The following MYO9A variants were observed in gnomAD, a reference collection of about 807,000 sequenced individuals.
MYO9A encodes the protein myosin IXA.
Under a neutral mutation model 293.3 loss-of-function variants are expected in MYO9A, and 103 were observed. The observed-to-expected ratio is 0.35, with a 90% CI of 0.30 to 0.41. The LOEUF (loss-of-function observed/expected upper bound fraction) is 0.41, where lower values mean the gene tolerates loss of function less well. MYO9A is among the 10% of genes least tolerant of loss of function. The pLI is 1.00. For synonymous variants in MYO9A, 1,001 were observed against 1,035.7 expected, an observed-to-expected ratio of 0.97 and a Z score of 0.64; for missense variants, 2,685 against 3,033.0, an observed-to-expected ratio of 0.89 and a Z score of 2.69.
chr15:71,945,669 C>A lies in MYO9A; in HGVS notation c.2302+6108G>T, dbSNP rs569516166. On this transcript the variant is annotated intron_variant, in intron 15 of 41. Transcript: ENST00000356056. The stretch of plus-strand genomic sequence containing the variant: ...CCTTAAATAGGAAGTGTGATTCCTT[C>A]ACACTTCCTATATTAATGAATTTGT... Among the ~76,000 whole-genome samples the A allele has an allele frequency of 4.6e-5, 7 of 152,124 alleles. No homozygotes were observed. In the South Asian group the frequency reaches 1.5e-3, roughly 32 times the overall value.
chr15:71,974,563 C>G (rs2076090619), intron 12 of MYO9A, among the ~76,000 whole-genome samples: 1 of 152,144 alleles, frequency 6.6e-6, no homozygotes. Flanking sequence ...ATGCAGTGGT[C>G]CTAGGACAAG....
intron 21 of MYO9A, 62 bp downstream of exon 21, chr15:71,903,867 G>A (rs1030233530): frequency 7.4e-7 from 1 of 1,357,874 alleles, no homozygotes; most frequent in African/African-American, 1.4e-5. Flanking sequence ...TAATAAGCAA[G>A]ATATGTGGGA....
chr15:72,055,200 T>C (rs1472700837), intron 1 of MYO9A, among the ~76,000 whole-genome samples: 1 of 152,192 alleles, frequency 6.6e-6, no homozygotes, highest in East Asian at 1.9e-4. Flanking sequence ...GTGGGAGGAC[T>C]GCTTGAGCAC....
chr15:72,069,880 G>A (rs1432596282), intron 1 of MYO9A, among the ~76,000 whole-genome samples: 2 of 151,998 alleles, frequency 1.3e-5, no homozygotes, highest in Non-Finnish European at 2.9e-5. Context: ...CACTTTGGGA[G>A]GCTGAGGTGG....
intron 39 of MYO9A, among the ~76,000 whole-genome samples, 197 bp downstream of exon 39, chr15:71,848,648 C>G (rs1419204383): frequency 6.6e-6 from 1 of 152,192 alleles, no homozygotes; most frequent in Non-Finnish European, 1.5e-5. Flanking sequence ...CACACTTAAT[C>G]ACATAGATTC....
intron 1 of MYO9A, among the ~76,000 whole-genome samples, chr15:72,080,656 T>TATAAAGGTTAACTCACATCACAGGG (rs1327289804): frequency 6.6e-6 from 1 of 152,116 alleles, no homozygotes; most frequent in East Asian, 1.9e-4. Context: ...GCAGGTTTCT[T>TATAAAGGTTAACTCACATCACAGGG]ATAAAGGTTA....
At chr15:71,922,666 C>T (rs1022002751) in intron 18 of MYO9A, among the ~76,000 whole-genome samples, 3 of 152,004 alleles carry the variant, frequency 2.0e-5, no homozygotes, top group Non-Finnish European at 4.4e-5. Context: ...ATGAGTTTGG[C>T]TTTTTGTTGT....
At chr15:71,904,878 G>C in intron 20 of MYO9A, 48 bp downstream of exon 20, 1 of 1,402,138 alleles carries the variant, frequency 7.1e-7, no homozygotes, top group Non-Finnish European at 9.9e-7. Flanking sequence ...TTAAAGCTCA[G>C]TTTGAAGTAA....
At chr15:72,008,467 G>C (rs1378612536) in intron 7 of MYO9A, among the ~76,000 whole-genome samples, 1 of 150,234 alleles carries the variant, frequency 6.7e-6, no homozygotes, top group East Asian at 2.0e-4. Context: ...GTGTGTGTGT[G>C]TGTGTGTGAA....
chr15:72,010,262 C>A, intron 7 of MYO9A, 88 bp downstream of exon 7: 1 of 1,046,894 alleles, frequency 9.6e-7, no homozygotes, highest in South Asian at 1.6e-5. Flanking sequence ...ACTTAGAAAA[C>A]TATTTAAAAA....
At chr15:72,068,349 ATATG>A (rs2079082326) in intron 1 of MYO9A, among the ~76,000 whole-genome samples, 1 of 152,174 alleles carries the variant, frequency 6.6e-6, no homozygotes, top group Non-Finnish European at 1.5e-5. Context: ...TGTGTGCTTT[ATATG>A]TATTACTTCA....
Position 71,902,925 on chromosome 15 carries a change from T to C in MYO9A, c.3000+16A>G. 1.3e-6 allele frequency: 2 copies of C among 1,553,460 alleles called. No homozygotes were observed. The highest frequency in any genetic ancestry group is 1.8e-6 in the Non-Finnish European group (2 of 1,137,716). Reference sequence around the variant, plus strand: ...ATGCACTCAATTTTGACCAGAGCTATACAGATTATATTTACCATGGTTTTT... The same window carrying C: ...ATGCACTCAATTTTGACCAGAGCTACACAGATTATATTTACCATGGTTTTT... On this transcript the variant is annotated intron_variant, in intron 22 of 41. Coordinates refer to ENST00000356056, the MANE Select transcript of MYO9A (RefSeq NM_006901.4).
chr15:71,829,254 T>C (rs1484613645), intron 40 of MYO9A, among the ~76,000 whole-genome samples: 4 of 152,154 alleles, frequency 2.6e-5, no homozygotes, highest in African/African-American at 9.7e-5. Flanking sequence ...GCTGCTTTTT[T>C]AGCTGGCCTA....
At chr15:71,934,794 T>C (rs2058587555) in intron 17 of MYO9A, among the ~76,000 whole-genome samples, 2 of 138,452 alleles carry the variant, frequency 1.4e-5, no homozygotes, top group Admixed American at 7.2e-5. Flanking sequence ...TTCTTTTTTT[T>C]TTTTTTTTTT....
chr15:71,866,400 T>G (rs568229096), intron 32 of MYO9A, among the ~76,000 whole-genome samples: 1 of 152,272 alleles, frequency 6.6e-6, no homozygotes, highest in East Asian at 1.9e-4. Flanking sequence ...CATGGTGGTG[T>G]GTGCCTGTAG....
intron 11 of MYO9A, among the ~76,000 whole-genome samples, chr15:71,981,689 G>T (rs1451524592): frequency 1.3e-5 from 2 of 149,740 alleles, no homozygotes; most frequent in East Asian, 3.9e-4. Context: ...TTCCTTGAGG[G>T]GTTCATCAAT....
In MYO9A at chr15:71,949,066, G is replaced by A. The variant is rs192627839; in HGVS notation, c.2302+2711C>T. On this transcript the variant is annotated intron_variant, in intron 15 of 41. Transcript: ENST00000356056. ...CATTATTCCCCTGTATTTAATATGT[G>A]TATCTTTTCCAGGCTGCTTTCAAGA... Among the ~76,000 whole-genome samples, 882 of 152,040 alleles carry A rather than the reference G, an allele frequency of 5.8e-3. 11 individuals are homozygous for A. The highest frequency in any genetic ancestry group is 0.02 in the African/African-American group (814 of 41,462).
chr15:71,876,301 C>T (rs1024548837), intron 31 of MYO9A, among the ~76,000 whole-genome samples: 21 of 151,782 alleles, frequency 1.4e-4, no homozygotes, highest in African/African-American at 5.1e-4. Flanking sequence ...GCACACACCA[C>T]CACATCTGGC....
chr15:71,885,517 A>T (rs997712643), intron 27 of MYO9A, among the ~76,000 whole-genome samples: 3 of 152,040 alleles, frequency 2.0e-5, no homozygotes, highest in Non-Finnish European at 2.9e-5. Flanking sequence ...TGTTGAAAAA[A>T]ATCTCTCCCA....
Sources: allele counts gnomAD v4.1 joint callset (sites outside exome capture counted in the v4.1 genomes callset), GRCh38; gene constraint gnomAD v4.1.1; transcripts MANE v1.5; gene names NCBI Gene and HGNC (gene_info 2026-07-23, HGNC 2026-07-21).